The following MUC5B variants were observed in gnomAD, a reference collection of about 807,000 sequenced individuals.
The protein encoded by MUC5B is mucin 5B, oligomeric mucus/gel-forming, also known as mucin-5B.
In MUC5B, 116 loss-of-function variants were observed where a neutral mutation model predicts 376.9. The ratio of observed to expected loss-of-function variants is 0.31; its 90% CI spans 0.26 to 0.36. MUC5B has a LOEUF of 0.36. MUC5B is among the 10% of genes least tolerant of loss of function. The probability of loss-of-function intolerance (pLI) is 1.00; values close to 1 mark genes in which losing one functional copy is unlikely to be tolerated. For synonymous variants in MUC5B, 3,517 were observed against 3,390.9 expected (o/e 1.04, Z -1.29); for missense variants, 7,165 against 7,769.9 (o/e 0.92, Z 2.93).
At chr11:1,227,247 G>C in intron 5 of MUC5B, 61 bp from the exon 6 acceptor site, 1 of 1,572,434 alleles carries the variant, frequency 6.4e-7, no homozygotes, top group South Asian at 1.1e-5. Flanking sequence ...GGGGCTTGGG[G>C]CATGTTGCCA....
rs746660382 is a variant in MUC5B at position 1,246,762 on chromosome 11, C to T, written c.9882C>T (p.Ala3294=). Residue 3294 remains alanine (A), a synonymous_variant, in exon 31 of 49, where the codon GCC becomes GCT. Coordinates refer to ENST00000529681, the MANE Select transcript of MUC5B (RefSeq NM_002458.3). The part of the protein sequence containing the change: ...TTTTRATGSV[A]TPSSTPGTAH... ...CAACCAGGGCCACCGGCTCTGTGGC[C>T]ACCCCCTCCTCCACCCCAGGAACAG... is the stretch of plus-strand genomic sequence containing the variant. 6.2e-7 allele frequency: 1 copy of T among 1,610,048 alleles called. No individual in the cohort carries two copies. Among genetic ancestry groups the T allele is most frequent in the Non-Finnish European group, 8.5e-7 (1 of 1,177,774 alleles).
chr11:1,230,712 G>T (rs1862008488), intron 12 of MUC5B, 112 bp downstream of exon 12: 1 of 818,852 alleles, frequency 1.2e-6, no homozygotes, highest in Non-Finnish European at 1.8e-6. Flanking sequence ...CCCCCCTCCA[G>T]CCCCCAGGCC....
intron 14 of MUC5B, 114 bp downstream of exon 14, chr11:1,231,674 C>T (rs999408923): frequency 1.7e-4 from 216 of 1,298,812 alleles, no homozygotes; most frequent in Non-Finnish European, 2.2e-4. Context: ...GAGGGGGCTG[C>T]CCCCAGGGCA....
rs369313045 is a variant in MUC5B at position 1,261,495 on chromosome 11, C to T, written c.17176C>T (p.Leu5726=). The T allele has an allele frequency of 3.8e-6, 6 of 1,595,214 alleles. No homozygotes were observed. The African/African-American group carries it at 6.7e-5, about 18-fold the overall frequency. The change falls in exon 49 of 49, where the codon CTG becomes TTG. Residue 5726 remains leucine, a synonymous_variant. Coordinates refer to ENST00000529681, the MANE Select transcript of MUC5B (RefSeq NM_002458.3). ...GCACTGTCCTAACGGCTCAGCCATC[C>T]TGCACACCTACACCCACGTGGATGA... ...PLHCPNGSAI[L]HTYTHVDECG...
At chr11:1,251,929 C>T (rs910121419) in intron 31 of MUC5B, among the ~76,000 whole-genome samples, 186 bp downstream of exon 31, 14 of 151,368 alleles carry the variant, frequency 9.2e-5, no homozygotes, top group South Asian at 2.1e-4. Flanking sequence ...GGCCACAATC[C>T]GTCCGCACTG....
Position 1,233,134 on chromosome 11 carries a change from G to A in MUC5B, c.2187G>A (p.Val729=). ...DVTCSVSFVP[V]DGCTCPAGTF... Reference sequence around the variant, plus strand: ...CCTGCAGCGTTTCCTTCGTGCCTGTGGACGGCTGCACCTGCCCCGCGGGCA... The same window carrying A: ...CCTGCAGCGTTTCCTTCGTGCCTGTAGACGGCTGCACCTGCCCCGCGGGCA... The change falls in exon 18 of 49, where the codon GTG becomes GTA. Residue 729 remains valine, a synonymous_variant. Coordinates refer to ENST00000529681, the MANE Select transcript of MUC5B (RefSeq NM_002458.3). 6.2e-7 allele frequency: 1 copy of A among 1,607,330 alleles called. No individual in the cohort carries two copies. The highest frequency in any genetic ancestry group is 8.5e-7 in the Non-Finnish European group (1 of 1,179,478).
Position 1,247,062 on chromosome 11 carries a change from C to G in MUC5B, c.10182C>G (p.Ala3394=), listed in dbSNP as rs1049600542. Reference sequence around the variant, plus strand: ...CTCCCCCATCACTGACCACCACGGCCACTACGATCACAGCCACCGGCTCCA... The same window carrying G: ...CTCCCCCATCACTGACCACCACGGCGACTACGATCACAGCCACCGGCTCCA... ...SGTPPSLTTT[A]TTITATGSTT... Residue 3394 remains alanine, a synonymous_variant, in exon 31 of 49, where the codon GCC becomes GCG. Coordinates refer to ENST00000529681, the MANE Select transcript of MUC5B (RefSeq NM_002458.3). 2 of 1,559,530 alleles carry G rather than the reference C, an allele frequency of 1.3e-6. No homozygotes were observed. Among genetic ancestry groups the G allele is most frequent in the African/African-American group, 2.7e-5 (2 of 72,892 alleles).
intron 35 of MUC5B, 63 bp from the exon 36 acceptor site, chr11:1,254,977 AG>A (rs971443903): frequency 4.3e-4 from 64 of 147,140 alleles, no homozygotes; most frequent in African/African-American, 3.4e-3. Context: ...TGAGTGGGGG[AG>A]GGGGGTGGGG....
chr11:1,257,760 A>G lies in MUC5B; in HGVS notation c.16450+50A>G, dbSNP rs1459291922. 1 of 1,500,184 alleles carries G rather than the reference A, an allele frequency of 6.7e-7. No individual in the cohort carries two copies. Among genetic ancestry groups the G allele is most frequent in the Non-Finnish European group, 8.9e-7 (1 of 1,125,112 alleles). The allele number at this position is 1,500,184 out of a possible 1,614,324, so 92.9% of individuals were successfully genotyped here. A position where few individuals can be genotyped will look rare whatever the true frequency, so the allele number is the denominator to read the frequency against. On this transcript the variant is annotated intron_variant, in intron 41 of 48. Transcript: ENST00000529681. This position sits in a 1 kb window ranked among gnomAD's most constrained non-coding sequence, Gnocchi z 8.9. ...CCCGGCATAGGGTGAGGGGGGACAG[A>G]GCCGGTGCCCACCAGGGGCCTGTGG...
In MUC5B at chr11:1,249,846, C is replaced by T. The variant is rs368762197; in HGVS notation, c.12966C>T (p.Ser4322=). Residue 4322 remains serine, a synonymous_variant, in exon 31 of 49, where the codon AGC becomes AGT. Transcript: ENST00000529681. ...CAGCCACCAAATCCACAGCTACCAG[C>T]GTTACACCCATCCCCTCCTCCACCC... ...TSTATKSTAT[S]VTPIPSSTLG... The T allele has an allele frequency of 2.5e-5, 40 of 1,613,600 alleles. 2 individuals carry two copies. The Admixed American group carries it at 2.7e-4, about 11-fold the overall frequency.
In MUC5B at chr11:1,244,060, G is replaced by A. The variant is rs1362983225; in HGVS notation, c.7180G>A (p.Gly2394Arg). 36 of 1,518,382 alleles carry A rather than the reference G, an allele frequency of 2.4e-5. No individual in the cohort carries two copies. The highest frequency in any genetic ancestry group is 3.3e-5 in the Non-Finnish European group (36 of 1,097,496). The allele number at this position is 1,518,382 out of a possible 1,614,324, so 94.1% of individuals were successfully genotyped here. ...GLVCRNREQV[G>R]KFKMCFNYEI... ...GGTCTGCAGGAACCGTGAGCAGGTG[G>A]GGAAGTTCAAGATGTGCTTCAACTA... is the stretch of plus-strand genomic sequence containing the variant. The change falls in exon 31 of 49, where the codon GGG becomes AGG. Residue 2394 changes from glycine (G) to arginine (R), a missense_variant. Gly to Arg is a moderately radical substitution (Grantham distance 125, BLOSUM62 -2). Transcript: ENST00000529681.
chr11:1,239,623 T>A (rs1055975763), intron 27 of MUC5B, 57 bp downstream of exon 27: 3 of 1,525,376 alleles, frequency 2.0e-6, no homozygotes, highest in African/African-American at 2.8e-5. Flanking sequence ...CGAGTGTACG[T>A]GGGGGGGCGG....
In MUC5B at chr11:1,243,623, C is replaced by T. The variant is rs770591947; in HGVS notation, c.6743C>T (p.Ser2248Leu). ...LAATTGTTQH[S>L]TPALSSPHPS... is the part of the protein sequence containing the mutation. ...GCAACCACCGGTACCACCCAGCACTCGACTCCAGCCCTTTCCAGCCCTCAC... is the reference window on the plus strand; with the variant it reads ...GCAACCACCGGTACCACCCAGCACTTGACTCCAGCCCTTTCCAGCCCTCAC... Residue 2248 changes from serine to leucine, a missense_variant, in exon 31 of 49, where the codon TCG (serine) becomes TTG (leucine). Ser to Leu is a moderately radical substitution (Grantham distance 145). Coordinates refer to ENST00000529681, the MANE Select transcript of MUC5B (RefSeq NM_002458.3). The T allele has an allele frequency of 2.2e-5, 36 of 1,610,524 alleles. No individual in the cohort carries two copies. Among genetic ancestry groups the T allele is most frequent in the South Asian group, 2.2e-4 (20 of 90,852 alleles).
chr11:1,226,874 G>T lies in MUC5B; in HGVS notation c.459G>T (p.Gln153His), dbSNP rs769134870. 3 of 1,604,226 alleles carry T rather than the reference G, an allele frequency of 1.9e-6. No individual in the cohort carries two copies. In the Admixed American group the frequency reaches 5.0e-5, roughly 27 times the overall value. ...ACGGCTCCGTCCTCATCAATGGGCA[G>T]CGGTGAGCCGGCCACCCTGGGGAGG... ...ASNGSVLING[Q>H]REELPYSRTG... Residue 153 changes from glutamine to histidine, a missense_variant and splice_region_variant, in exon 4 of 49, where the codon CAG becomes CAT. By Grantham distance (24) the Gln-to-His change is conservative. Around this residue, in one of 31 missense-constraint regions of MUC5B, gnomAD observed 640 missense variants for 733.0 expected, o/e 0.87. Transcript: ENST00000529681.
chr11:1,228,493 G>A, intron 7 of MUC5B, 71 bp from the exon 8 acceptor site: 7 of 1,394,282 alleles, frequency 5.0e-6, no homozygotes, highest in Non-Finnish European at 6.7e-6. Flanking sequence ...CCTGCCATGG[G>A]TCCTATTCCA....
intron 10 of MUC5B, 23 bp downstream of exon 10, chr11:1,229,830 C>T: frequency 1.9e-6 from 3 of 1,572,406 alleles, no homozygotes; most frequent in Non-Finnish European, 2.6e-6. Context: ...CCACCAGCCT[C>T]CGCCTGGGGT....
At position 1,251,476 on chromosome 11, in the gene MUC5B, A is replaced by G. The variant is rs1163917398; in HGVS notation, c.14596A>G (p.Thr4866Ala). The change falls in exon 31 of 49, where the codon ACC becomes GCC. Residue 4866 changes from threonine (T) to alanine (A), a missense_variant. Transcript: ENST00000529681. ...GATGGTGCCCACCGGTTCCACGGCC[A>G]CCGCCTCCTCCACTCTGGGAACAGC... ...TVMVPTGSTATASSTLGTAHT... is the reference protein window; with the variant it reads ...TVMVPTGSTAAASSTLGTAHT... The G allele has an allele frequency of 1.2e-6, 2 of 1,612,164 alleles. No homozygotes were observed. Among genetic ancestry groups the G allele is most frequent in the Admixed American group, 3.3e-5 (2 of 59,938 alleles).
Position 1,243,867 on chromosome 11 carries a change from C to A in MUC5B, c.6987C>A (p.Pro2329=), listed in dbSNP as rs1348069798. The change falls in exon 31 of 49, where the codon CCC becomes CCA. Residue 2329 remains proline (P), a synonymous_variant. Coordinates refer to ENST00000529681, the MANE Select transcript of MUC5B (RefSeq NM_002458.3). ...CAGAGTGGCTGGACTACAGCTACCC[C>A]ATGCCGGGGCCCTCTGGCGGGGACT... ...AWSEWLDYSY[P]MPGPSGGDFD... is the part of the protein sequence containing the mutation. 1.5e-5 allele frequency: 24 copies of A among 1,611,084 alleles called. No individual in the cohort carries two copies. Among genetic ancestry groups the A allele is most frequent in the African/African-American group, 2.7e-5 (2 of 74,708 alleles).
chr11:1,249,642 C>G lies in MUC5B; in HGVS notation c.12762C>G (p.Thr4254=). 1.2e-6 allele frequency: 2 copies of G among 1,611,738 alleles called. No homozygotes were observed. The highest frequency in any genetic ancestry group is 1.1e-5 in the South Asian group (1 of 91,058). The part of the protein sequence containing the change: ...PGTTWILTEL[T]TTATTTASTG... Reference sequence around the variant, plus strand: ...CGACCTGGATCCTCACAGAGCTGACCACAACAGCCACTACGACTGCATCCA... The same window carrying G: ...CGACCTGGATCCTCACAGAGCTGACGACAACAGCCACTACGACTGCATCCA... Residue 4254 remains threonine, a synonymous_variant, in exon 31 of 49, where the codon ACC becomes ACG. Transcript: ENST00000529681.
Sources: gnomAD v4.1 joint callset for allele counts (sites outside exome capture counted in the v4.1 genomes callset) on GRCh38, gnomAD v4.1.1 for gene constraint, gnomAD v4.1.1 regional missense constraint, Gnocchi (gnomAD v3.1) non-coding constraint, MANE v1.5 for transcripts, NCBI Gene and HGNC (gene_info 2026-07-23, HGNC 2026-07-21) for gene names.